The following MCMDC2 variants were observed in gnomAD, a reference collection of about 807,000 sequenced individuals.
The protein encoded by MCMDC2 is minichromosome maintenance domain containing 2.
A neutral mutation model predicts 75.8 loss-of-function variants in MCMDC2; 54 were observed. The observed-to-expected ratio is 0.71, with a 90% CI of 0.57 to 0.89. The LOEUF (loss-of-function observed/expected upper bound fraction) is 0.89, where lower values mean the gene tolerates loss of function less well. Among genes scored for constraint, MCMDC2 ranks in the 40% least tolerant of loss-of-function variants. The probability of loss-of-function intolerance (pLI) is 0.00; values close to 1 mark genes in which losing one functional copy is unlikely to be tolerated. For missense variants in MCMDC2, 656 were observed against 780.4 expected (o/e 0.84, Z 1.90); for synonymous variants, 249 against 274.6 (o/e 0.91, Z 0.92).
intron 8 of MCMDC2, among the ~76,000 whole-genome samples, chr8:66,882,862 T>G (rs1029037227): frequency 6.6e-6 from 1 of 152,252 alleles, no homozygotes; most frequent in East Asian, 1.9e-4. Flanking sequence ...TATTTTCTGC[T>G]AAGTGTTTAA....
At chr8:66,882,797 A>G (rs1161495967) in intron 8 of MCMDC2, among the ~76,000 whole-genome samples, 1 of 152,212 alleles carries the variant, frequency 6.6e-6, no homozygotes, top group African/African-American at 2.4e-5. Flanking sequence ...AAAAAACAAA[A>G]ATGTTAAAGA....
intron 14 of MCMDC2, among the ~76,000 whole-genome samples, chr8:66,912,851 G>A (rs1813168939): frequency 6.6e-6 from 1 of 152,000 alleles, no homozygotes; most frequent in African/African-American, 2.4e-5. Flanking sequence ...GTTGATGGGT[G>A]CAGCAAACCA....
intron 14 of MCMDC2, among the ~76,000 whole-genome samples, chr8:66,910,763 C>T (rs923585893): frequency 1.3e-5 from 2 of 151,454 alleles, no homozygotes; most frequent in Admixed American, 1.3e-4. Flanking sequence ...GAGATGAGAT[C>T]ATGCCATTGC....
intron 8 of MCMDC2, among the ~76,000 whole-genome samples, chr8:66,882,467 G>T (rs1811632151): frequency 6.6e-6 from 1 of 152,028 alleles, no homozygotes; most frequent in African/African-American, 2.4e-5. Flanking sequence ...CCGAGTTCAA[G>T]GGATTCTCCT....
At chr8:66,905,492 T>G in intron 14 of MCMDC2, 157 bp downstream of exon 14, 1 of 589,864 alleles carries the variant, frequency 1.7e-6, no homozygotes, top group South Asian at 7.2e-5. Flanking sequence ...TTTGGGCATT[T>G]ATTAACTGTT....
At chr8:66,879,459 GAC>G in intron 7 of MCMDC2, among the ~76,000 whole-genome samples, 1 of 152,064 alleles carries the variant, frequency 6.6e-6, no homozygotes, top group African/African-American at 2.4e-5. Flanking sequence ...CAGGTGTGGT[GAC>G]GGATGCCTGT....
Position 66,901,397 on chromosome 8 carries a change from T to C in MCMDC2, c.1769+49T>C, listed in dbSNP as rs760801384. 1.9e-6 allele frequency: 3 copies of C among 1,571,472 alleles called. No individual in the cohort carries two copies. In the Admixed American group the frequency reaches 5.8e-5, roughly 31 times the overall value. ...AAAATCAGCATTGAGTTTCAAATGA[T>C]ATGTTTAATTAAATTGCTAATTTAC... is the stretch of plus-strand genomic sequence containing the variant. On this transcript the variant is annotated intron_variant, in intron 13 of 14. Coordinates refer to ENST00000422365, the MANE Select transcript of MCMDC2 (RefSeq NM_173518.5).
At position 66,919,314 on chromosome 8, in the gene MCMDC2, C is replaced by G; in HGVS notation, c.*145C>G. Reference sequence around the variant, plus strand: ...TGTTTTTAAAAATATAAAATATAGTCCCCTCAAAACTAATTGCTAATGGGA... The same window carrying G: ...TGTTTTTAAAAATATAAAATATAGTGCCCTCAAAACTAATTGCTAATGGGA... On this transcript the variant is annotated 3_prime_UTR_variant, in exon 15 of 15. Coordinates refer to ENST00000422365, the MANE Select transcript of MCMDC2 (RefSeq NM_173518.5). The G allele has an allele frequency of 1.8e-6, 1 of 566,728 alleles. No individual in the cohort carries two copies. Among genetic ancestry groups the G allele is most frequent in the Non-Finnish European group, 2.8e-6 (1 of 357,420 alleles). 35.1% of individuals were successfully genotyped at this position (566,728 alleles called of 1,614,324 possible).
At position 66,874,536 on chromosome 8, in the gene MCMDC2, A is replaced by T. The variant is rs762031769; in HGVS notation, c.235A>T (p.Ile79Phe). 3 of 1,613,370 alleles carry T rather than the reference A, an allele frequency of 1.9e-6. No homozygotes were observed. In the Admixed American group the frequency reaches 5.0e-5, roughly 27 times the overall value. Reference protein sequence around the residue: ...AAEVFQSVCFIAVKTLSLIGQ... With the variant: ...AAEVFQSVCFFAVKTLSLIGQ... Reference sequence around the variant, plus strand: ...TTGTTTGAAATCACAGGTCTGTTTTATTGCTGTTAAGACTCTCTCATTAAT... The same window carrying T: ...TTGTTTGAAATCACAGGTCTGTTTTTTTGCTGTTAAGACTCTCTCATTAAT... Residue 79 changes from isoleucine (I) to phenylalanine (F), a missense_variant, in exon 4 of 15, where the codon ATT becomes TTT. Ile to Phe is a conservative substitution (Grantham distance 21). Coordinates refer to ENST00000422365, the MANE Select transcript of MCMDC2 (RefSeq NM_173518.5).
chr8:66,877,427 T>C lies in MCMDC2; in HGVS notation c.364T>C (p.Tyr122His). The change falls in exon 5 of 15, where the codon TAT (tyrosine) becomes CAT (histidine). Residue 122 changes from tyrosine to histidine, a missense_variant. Coordinates refer to ENST00000422365, the MANE Select transcript of MCMDC2 (RefSeq NM_173518.5). Reference sequence around the variant, plus strand: ...TGATCTTTGTGAGTTTCCACTTGATTATACATCTCAGAGATTTTATATGAT... The same window carrying C: ...TGATCTTTGTGAGTTTCCACTTGATCATACATCTCAGAGATTTTATATGAT... The part of the protein sequence containing the change: ...GLDLCEFPLD[Y>H]TSQRFYMMQG... 3 of 1,613,306 alleles carry C rather than the reference T, an allele frequency of 1.9e-6. No individual in the cohort carries two copies. Among genetic ancestry groups the C allele is most frequent in the Non-Finnish European group, 2.5e-6 (3 of 1,179,620 alleles).
At chr8:66,913,771 C>T (rs547557290) in intron 14 of MCMDC2, among the ~76,000 whole-genome samples, 2 of 151,532 alleles carry the variant, frequency 1.3e-5, no homozygotes, top group South Asian at 2.1e-4. Context: ...TTGAGACCAG[C>T]CTGGACAAAT....
chr8:66,902,711 A>AAAAAAAAAAAAAATATATAT (rs1467425752), intron 13 of MCMDC2, among the ~76,000 whole-genome samples: 3 of 67,930 alleles, frequency 4.4e-5, no homozygotes, highest in African/African-American at 1.5e-4. Context: ...AAAAAAAAAA[A>AAAAAAAAAAAAAATATATAT]ATATATATAT....
At chr8:66,910,673 G>T (rs1193756147) in intron 14 of MCMDC2, among the ~76,000 whole-genome samples, 1 of 152,162 alleles carries the variant, frequency 6.6e-6, no homozygotes, top group Non-Finnish European at 1.5e-5. Flanking sequence ...GCCGGGCATG[G>T]TGGCGGGTGC....
intron 14 of MCMDC2, 121 bp from the exon 15 acceptor site, chr8:66,918,882 C>G: frequency 2.4e-6 from 2 of 836,000 alleles, no homozygotes; most frequent in South Asian, 5.8e-5. Flanking sequence ...TTTCACAGAA[C>G]CACATGGGCT....
At chr8:66,909,048 G>A (rs1348581069) in intron 14 of MCMDC2, among the ~76,000 whole-genome samples, 1 of 152,124 alleles carries the variant, frequency 6.6e-6, no homozygotes, top group Non-Finnish European at 1.5e-5. Flanking sequence ...GAATCATGGG[G>A]GCAGTTTCCC....
intron 5 of MCMDC2, among the ~76,000 whole-genome samples, 170 bp downstream of exon 5, chr8:66,877,714 A>C (rs993057559): frequency 1.3e-5 from 2 of 151,924 alleles, no homozygotes; most frequent in African/African-American, 4.8e-5. Flanking sequence ...AAAATACAAA[A>C]ATTAGCCCAG....
At chr8:66,893,485 A>G (rs1174046462) in intron 10 of MCMDC2, among the ~76,000 whole-genome samples, 1 of 152,222 alleles carries the variant, frequency 6.6e-6, no homozygotes, top group Non-Finnish European at 1.5e-5. Context: ...GAGGCCTTAC[A>G]ATCATGGTAG....
At chr8:66,899,380 T>C (rs1044713909) in intron 12 of MCMDC2, among the ~76,000 whole-genome samples, 4 of 152,192 alleles carry the variant, frequency 2.6e-5, no homozygotes, top group African/African-American at 9.7e-5. Context: ...AGAGGGTTAT[T>C]GATGCTATTA....
chr8:66,874,145 C>A lies in MCMDC2; in HGVS notation c.5C>A (p.Ser2Ter). Reference sequence around the variant, plus strand: ...AGAAATATTAACCAGGAGAAAATGTCAAATCTAAAAATGAAAGAGGCGGCC... The same window carrying A: ...AGAAATATTAACCAGGAGAAAATGTAAAATCTAAAAATGAAAGAGGCGGCC... M[S>*]NLKMKEAALI... is the part of the protein sequence containing the mutation. Residue 2 changes from serine (S) to a stop codon, truncating the protein, a stop_gained, in exon 2 of 15, where the codon TCA (serine) becomes TAA (stop). Coordinates refer to ENST00000422365, the MANE Select transcript of MCMDC2 (RefSeq NM_173518.5). LOFTEE classifies it high-confidence loss of function. The A allele has an allele frequency of 6.3e-7, 1 of 1,587,538 alleles. No homozygotes were observed. The highest frequency in any genetic ancestry group is 1.9e-5 in the Admixed American group (1 of 53,284).
Sources: allele counts gnomAD v4.1 joint callset (sites outside exome capture counted in the v4.1 genomes callset), GRCh38; gene constraint gnomAD v4.1.1; transcripts MANE v1.5; gene names NCBI Gene and HGNC (gene_info 2026-07-23, HGNC 2026-07-21).